Variants in RRP1B observed in about 807,000 individuals in gnomAD.
The protein encoded by RRP1B is ribosomal RNA processing protein 1 homolog B.
Under a neutral mutation model 80.2 loss-of-function variants are expected in RRP1B, and 56 were observed. That is an observed-to-expected ratio of 0.70 (90% CI 0.56 to 0.87). The LOEUF (loss-of-function observed/expected upper bound fraction) is 0.87. Ranked by LOEUF, RRP1B falls within the 40% of genes least tolerant of loss-of-function variation. The pLI, the probability that RRP1B is intolerant of heterozygous loss-of-function variation, is 0.00. For missense variants in RRP1B, 807 were observed against 939.8 expected (o/e 0.86, Z 1.85); for synonymous variants, 351 against 357.6 (o/e 0.98, Z 0.21).
rs1341300329 is a variant in RRP1B, at chr21:43,694,802, G to A, written c.*1419G>A. 1 of 152,310 alleles carries A rather than the reference G, an allele frequency of 6.6e-6. No individual in the cohort carries two copies. Among genetic ancestry groups the A allele is most frequent in the Non-Finnish European group, 1.5e-5 (1 of 68,100 alleles). 9.4% of individuals were successfully genotyped at this position (152,310 alleles called of 1,614,324 possible). ...GGTCCCAGCTATGGCTTTGGACAAC[G>A]TGGCTTCGGCCCCTGGGGTTGCAGA... is the stretch of plus-strand genomic sequence containing the variant. On this transcript the variant is annotated 3_prime_UTR_variant, in exon 16 of 16. Coordinates refer to ENST00000340648, the MANE Select transcript of RRP1B (RefSeq NM_015056.3).
At chr21:43,671,556 C>G (rs1410761855) in intron 2 of RRP1B, among the ~76,000 whole-genome samples, 1 of 151,712 alleles carries the variant, frequency 6.6e-6, no homozygotes, top group Admixed American at 6.6e-5. Flanking sequence ...TTTGTAGGGA[C>G]TGGGTCTCAT....
At chr21:43,667,347 C>T (rs1360687402) in intron 1 of RRP1B, among the ~76,000 whole-genome samples, 1 of 152,200 alleles carries the variant, frequency 6.6e-6, no homozygotes, top group Non-Finnish European at 1.5e-5. Flanking sequence ...CCACTTCAGC[C>T]ACCTGAGTAC....
chr21:43,669,545 G>A (rs1199309521), intron 1 of RRP1B, among the ~76,000 whole-genome samples: 1 of 152,174 alleles, frequency 6.6e-6, no homozygotes, highest in Admixed American at 6.5e-5. Flanking sequence ...AAATGTCAGT[G>A]TGCAGGATGG....
At chr21:43,674,739 T>C (rs2083014621) in intron 5 of RRP1B, 42 bp downstream of exon 5, 1 of 1,533,612 alleles carries the variant, frequency 6.5e-7, no homozygotes, top group Non-Finnish European at 8.9e-7. Flanking sequence ...GCCTTAAAAC[T>C]TAAAAGGTAG....
chr21:43,690,330 A>G lies in RRP1B; in HGVS notation c.1909A>G (p.Arg637Gly), dbSNP rs2083081575. ...CAGTTCCCTGAAGAAGCAGAAGCTG[A>G]GGGCAGAGAGCGACTTTGTGAAGTT... is the stretch of plus-strand genomic sequence containing the variant. Reference protein sequence around the residue: ...TCSSLKKQKLRAESDFVKFDT... With the variant: ...TCSSLKKQKLGAESDFVKFDT... The change falls in exon 14 of 16, where the codon AGG (arginine) becomes GGG (glycine). Residue 637 changes from arginine to glycine, a missense_variant. Coordinates refer to ENST00000340648, the MANE Select transcript of RRP1B (RefSeq NM_015056.3). The G allele has an allele frequency of 1.2e-6, 2 of 1,614,210 alleles. No individual in the cohort carries two copies. The highest frequency in any genetic ancestry group is 2.2e-5 in the South Asian group (2 of 91,092).
At chr21:43,692,816 T>A (rs2083092227) in intron 15 of RRP1B, among the ~76,000 whole-genome samples, 1 of 151,738 alleles carries the variant, frequency 6.6e-6, no homozygotes, top group African/African-American at 2.4e-5. Flanking sequence ...CTGGAGAAAA[T>A]GAACAGTACG....
chr21:43,674,161 G>A (rs1487192378), intron 4 of RRP1B, among the ~76,000 whole-genome samples: 1 of 152,104 alleles, frequency 6.6e-6, no homozygotes, highest in Admixed American at 6.6e-5. Context: ...GAATACGTTG[G>A]GTATTTTTTG....
At chr21:43,661,761 G>A (rs781016920) in intron 1 of RRP1B, among the ~76,000 whole-genome samples, 1 of 152,098 alleles carries the variant, frequency 6.6e-6, no homozygotes, top group African/African-American at 2.4e-5. Flanking sequence ...TGCTCTTCCT[G>A]CCTAAGCCCC....
intron 11 of RRP1B, chr21:43,686,509 G>A (rs1050011192): frequency 3.5e-6 from 1 of 289,696 alleles, no homozygotes; most frequent in African/African-American, 2.1e-5. Context: ...CTTGGAATTG[G>A]GAAAGGCACC....
At chr21:43,663,481 T>C (rs1303565366) in intron 1 of RRP1B, among the ~76,000 whole-genome samples, 9 of 152,154 alleles carry the variant, frequency 5.9e-5, no homozygotes, top group Non-Finnish European at 1.0e-4. Flanking sequence ...GGTCTTGAGC[T>C]CCTGACCTCA....
intron 11 of RRP1B, chr21:43,686,455 A>G: frequency 4.6e-6 from 1 of 215,366 alleles, no homozygotes; most frequent in South Asian, 9.3e-5. Context: ...TTACATTTGG[A>G]CAAGTCAGTG....
In RRP1B at chr21:43,667,759, C is replaced by T. The variant is rs530839459; in HGVS notation, c.131-2125C>T. The stretch of plus-strand genomic sequence containing the variant: ...ACTCATACCATACTTACATTATCCA[C>T]GTGAGGATCCCCAGGCATGACTTGT... On this transcript the variant is annotated intron_variant, in intron 1 of 15. Transcript: ENST00000340648. Among the ~76,000 whole-genome samples the T allele has an allele frequency of 7.9e-5, 12 of 152,304 alleles. No individual in the cohort carries two copies. The South Asian group carries it at 2.3e-3, about 29-fold the overall frequency.
chr21:43,663,921 T>G (rs1383499231), intron 1 of RRP1B, among the ~76,000 whole-genome samples: 3 of 152,160 alleles, frequency 2.0e-5, no homozygotes, highest in Admixed American at 6.6e-5. Flanking sequence ...ACAGTAGTAT[T>G]AAGTTTAAGA....
intron 1 of RRP1B, 50 bp from the exon 2 acceptor site, chr21:43,669,831 TGAA>T (rs1030950696): frequency 7.6e-7 from 1 of 1,315,760 alleles, no homozygotes; most frequent in Non-Finnish European, 1.1e-6. Context: ...TTTCTAAACT[TGAA>T]GAAAAGAGAT....
chr21:43,680,610 C>T (rs865860065), intron 8 of RRP1B, among the ~76,000 whole-genome samples: 1 of 151,534 alleles, frequency 6.6e-6, no homozygotes, highest in Non-Finnish European at 1.5e-5. Context: ...GCCCAGGCTG[C>T]AGTGCAGTGG....
intron 8 of RRP1B, among the ~76,000 whole-genome samples, chr21:43,679,908 G>GT (rs1387698744): frequency 2.0e-5 from 3 of 152,170 alleles, no homozygotes; most frequent in South Asian, 2.1e-4. Context: ...TGTTTGTTTT[G>GT]TTTTTTGTTG....
At chr21:43,669,655 G>T (rs2082991651) in intron 1 of RRP1B, among the ~76,000 whole-genome samples, 1 of 152,178 alleles carries the variant, frequency 6.6e-6, no homozygotes, top group Non-Finnish European at 1.5e-5. Context: ...GCTTCCTCAC[G>T]CTGAGGCCGG....
intron 1 of RRP1B, among the ~76,000 whole-genome samples, chr21:43,668,208 CA>C (rs774028334): frequency 0.047 from 5,556 of 118,226 alleles, 284 homozygotes; most frequent in African/African-American, 0.14. Flanking sequence ...GACTCTATCT[CA>C]AAAAAAAAAA....
Position 43,687,765 on chromosome 21 carries a change from C to T in RRP1B, c.1391C>T (p.Pro464Leu). The change falls in exon 13 of 16, where the codon CCA (proline) becomes CTA (leucine). Residue 464 changes from proline to leucine, a missense_variant. Pro to Leu is a moderately conservative substitution (Grantham distance 98). Transcript: ENST00000340648. Reference protein sequence around the residue: ...TGEESGSEHPPAVPMHNKRKR... With the variant: ...TGEESGSEHPLAVPMHNKRKR... ...GAGGAGAGTGGCTCCGAGCATCCTC[C>T]AGCCGTCCCCATGCACAATAAAAGG... 1 of 1,613,272 alleles carries T rather than the reference C, an allele frequency of 6.2e-7. No homozygotes were observed. The highest frequency in any genetic ancestry group is 8.5e-7 in the Non-Finnish European group (1 of 1,179,998).
Sources: allele counts gnomAD v4.1 joint callset (sites outside exome capture counted in the v4.1 genomes callset), GRCh38; gene constraint gnomAD v4.1.1; transcripts MANE v1.5; gene names NCBI Gene and HGNC (gene_info 2026-07-23, HGNC 2026-07-21).